Variants in NLRP5 observed in about 807,000 individuals in gnomAD.
NLRP5 encodes the protein NACHT, LRR and PYD domains-containing protein 5.
In NLRP5, 93 loss-of-function variants were observed where a neutral mutation model predicts 113.1. The ratio of observed to expected loss-of-function variants is 0.82; its 90% CI spans 0.70 to 0.98. The LOEUF is 0.98. Ranked by LOEUF, NLRP5 falls within the 50% of genes least tolerant of loss-of-function variation. NLRP5 has a pLI of 0.00. For synonymous variants in NLRP5, 751 were observed against 600.7 expected (o/e 1.25, Z -3.66); for missense variants, 1,808 against 1,514.3 (o/e 1.19, Z -3.22).
intron 12 of NLRP5, among the ~76,000 whole-genome samples, chr19:56,053,396 C>CA (rs34998450): frequency 0.33 from 50,753 of 151,580 alleles, 8,647 homozygotes; most frequent in Admixed American, 0.43. Context: ...AACTCCATCT[C>CA]AAAAAAAATT....
At chr19:56,021,308 G>A (rs1353095672) in intron 6 of NLRP5, among the ~76,000 whole-genome samples, 1 of 152,168 alleles carries the variant, frequency 6.6e-6, no homozygotes, top group Admixed American at 6.6e-5. Flanking sequence ...AGAAACTGTT[G>A]ATTGAGGCTT....
chr19:56,008,218 G>A (rs1358185860), intron 2 of NLRP5, among the ~76,000 whole-genome samples: 6 of 152,058 alleles, frequency 3.9e-5, no homozygotes, highest in Non-Finnish European at 7.4e-5. Context: ...GTGAGCCACC[G>A]CGCCTGGCCA....
In NLRP5 at chr19:56,040,126, T is replaced by G. The variant is rs550573843; in HGVS notation, c.2787-796T>G. Among the ~76,000 whole-genome samples the G allele has an allele frequency of 1.6e-3, 245 of 152,254 alleles. 1 individual carries two copies. Among genetic ancestry groups the G allele is most frequent in the African/African-American group, 5.2e-3 (218 of 41,552 alleles). ...CCACCATGCCCGGCTAATTTTTTCT[T>G]TTTAGAGACAGAGTCTTGCTATGTT... On this transcript the variant is annotated intron_variant, in intron 10 of 14. Transcript: ENST00000390649.
At chr19:56,059,211 T>C (rs1373202237) in intron 14 of NLRP5, among the ~76,000 whole-genome samples, 1 of 152,162 alleles carries the variant, frequency 6.6e-6, no homozygotes, top group Non-Finnish European at 1.5e-5. Flanking sequence ...CTCACACACA[T>C]CATTTCAGCT....
rs555640053 is a variant in NLRP5 at position 56,011,428 on chromosome 19, A to T, written c.508+2575A>T. On this transcript the variant is annotated intron_variant, in intron 3 of 14. Coordinates refer to ENST00000390649, the MANE Select transcript of NLRP5 (RefSeq NM_153447.4). Reference sequence around the variant, plus strand: ...TTCTAAAATTGTACTGATGGTTACAATGTGAATATTCTCAATCATGATTGC... The same window carrying T: ...TTCTAAAATTGTACTGATGGTTACATTGTGAATATTCTCAATCATGATTGC... Among the ~76,000 whole-genome samples, 3 of 152,152 alleles carry T rather than the reference A, an allele frequency of 2.0e-5. No individual in the cohort carries two copies. The South Asian group carries it at 6.2e-4, about 32-fold the overall frequency.
At chr19:55,988,883 T>C in the NLRP5 span, among the ~76,000 whole-genome samples, 1 of 152,178 alleles carries the variant, frequency 6.6e-6, no homozygotes, top group African/African-American at 2.4e-5. Flanking sequence ...TTTCCATGTA[T>C]CCAGGTGGTT....
At chr19:56,054,397 A>G (rs1288030772) in intron 13 of NLRP5, among the ~76,000 whole-genome samples, 2 of 152,078 alleles carry the variant, frequency 1.3e-5, no homozygotes, top group African/African-American at 4.8e-5. Flanking sequence ...GTCTCTACTA[A>G]AAATACAAAA....
At chr19:56,002,677 C>T (rs1035936596) in intron 1 of NLRP5, among the ~76,000 whole-genome samples, 1 of 147,582 alleles carries the variant, frequency 6.8e-6, no homozygotes, top group Non-Finnish European at 1.5e-5. Flanking sequence ...CAAGTGTACT[C>T]ATTGTTCAAT....
rs536228838 is a variant in NLRP5 at position 56,003,956 on chromosome 19, C to A, written c.303C>A (p.Ile101=). The change falls in exon 2 of 15, where the codon ATC becomes ATA. Residue 101 remains isoleucine, a synonymous_variant. Coordinates refer to ENST00000390649, the MANE Select transcript of NLRP5 (RefSeq NM_153447.4). ...CATGCTCTATTCCACAGTTTGAAAT[C>A]GAGAATGCCAACGTGGAATGTCTGG... The A allele has an allele frequency of 6.2e-7, 1 of 1,613,952 alleles. No individual in the cohort carries two copies. Among genetic ancestry groups the A allele is most frequent in the Non-Finnish European group, 8.5e-7 (1 of 1,179,874 alleles).
At chr19:56,007,904 C>CGCGTGTGCGCGTGCGTGT (rs377205469) in intron 2 of NLRP5, among the ~76,000 whole-genome samples, 7 of 110,072 alleles carry the variant, frequency 6.4e-5, no homozygotes, top group Non-Finnish European at 1.4e-4. Context: ...TGCGCGCGTG[C>CGCGTGTGCGCGTGCGTGT]GTGTGTGTGT....
intron 9 of NLRP5, among the ~76,000 whole-genome samples, chr19:56,036,725 G>T (rs11084421): frequency 0.3 from 46,003 of 152,056 alleles, 7,244 homozygotes; most frequent in East Asian, 0.48. Flanking sequence ...GGGAGGCTGA[G>T]GCAGGTGGCT....
chr19:56,058,562 C>T (rs1201125607), intron 14 of NLRP5, among the ~76,000 whole-genome samples, 152 bp downstream of exon 14: 1 of 152,160 alleles, frequency 6.6e-6, no homozygotes, highest in African/African-American at 2.4e-5. Flanking sequence ...TTCTGAGTAC[C>T]ATGCTGGATG....
rs71183002 is a variant in NLRP5, at chr19:56,013,596, G to GTTTTTTTTTTTTTTTT, written c.509-2140_509-2125dup. ...CATTTATCACATGATGGACATTTGGGTTTTTTTTTTTTTTTTTTTTTGCTA... is the reference window on the plus strand; with the variant it reads ...CATTTATCACATGATGGACATTTGGGTTTTTTTTTTTTTTTTTTTTTTTTTTTTTTTTTTTTTGCTA... On this transcript the variant is annotated intron_variant, in intron 3 of 14. Coordinates refer to ENST00000390649, the MANE Select transcript of NLRP5 (RefSeq NM_153447.4). Among the ~76,000 whole-genome samples, 102 of 59,254 alleles carry GTTTTTTTTTTTTTTTT rather than the reference G, an allele frequency of 1.7e-3. 8 individuals are homozygous for GTTTTTTTTTTTTTTTT. The highest frequency in any genetic ancestry group is 2.9e-3 in the African/African-American group (34 of 11,534). The allele number at this position is 59,254 out of a possible 152,430, so 38.9% of individuals were successfully genotyped here.
At chr19:56,004,532 T>C (rs1015536873) in intron 2 of NLRP5, among the ~76,000 whole-genome samples, 3 of 152,064 alleles carry the variant, frequency 2.0e-5, no homozygotes, top group African/African-American at 7.2e-5. Flanking sequence ...ACCTCATTGG[T>C]TGATAACATT....
intron 13 of NLRP5, among the ~76,000 whole-genome samples, 175 bp from the exon 14 acceptor site, chr19:56,058,065 A>G (rs1276231276): frequency 6.7e-6 from 1 of 149,282 alleles, no homozygotes; most frequent in African/African-American, 2.5e-5. Flanking sequence ...TGGGTCTTTC[A>G]TCAGAACAAC....
intron 10 of NLRP5, among the ~76,000 whole-genome samples, chr19:56,039,700 T>C (rs1284537901): frequency 6.6e-6 from 1 of 152,028 alleles, no homozygotes; most frequent in Non-Finnish European, 1.5e-5. Flanking sequence ...TCACCTGAGG[T>C]CGGCAGTTCA....
At chr19:56,014,046 CATA>C (rs1982313849) in intron 3 of NLRP5, among the ~76,000 whole-genome samples, 1 of 152,102 alleles carries the variant, frequency 6.6e-6, no homozygotes, top group African/African-American at 2.4e-5. Context: ...TATGTAGAGA[CATA>C]ATTTTATATA....
chr19:55,996,934 T>C (rs1383144581), upstream of NLRP5, among the ~76,000 whole-genome samples: 4 of 152,212 alleles, frequency 2.6e-5, no homozygotes, highest in African/African-American at 9.6e-5. Flanking sequence ...ATGGTTGAAC[T>C]AGTTTACAGT....
intron 14 of NLRP5, among the ~76,000 whole-genome samples, chr19:56,059,396 C>T (rs1365297743): frequency 3.9e-5 from 6 of 152,086 alleles, no homozygotes; most frequent in Non-Finnish European, 8.8e-5. Context: ...AGCTCATATC[C>T]GTAGACTAAC....
Sources: gnomAD v4.1 joint callset for allele counts (sites outside exome capture counted in the v4.1 genomes callset) on GRCh38, gnomAD v4.1.1 for gene constraint, MANE v1.5 for transcripts, NCBI Gene and HGNC (gene_info 2026-07-23, HGNC 2026-07-21) for gene names.